The following COL25A1 variants were observed in gnomAD, a reference collection of about 807,000 sequenced individuals.
COL25A1 encodes collagen alpha-1(XXV) chain.
Under a neutral mutation model 128.4 loss-of-function variants are expected in COL25A1, and 103 were observed. The observed-to-expected ratio is 0.80, with a 90% CI of 0.68 to 0.94. The LOEUF (loss-of-function observed/expected upper bound fraction) is 0.94. COL25A1 is among the 40% of genes least tolerant of loss of function. The pLI, the probability that COL25A1 is intolerant of heterozygous loss-of-function variation, is 0.00. For synonymous variants in COL25A1, 279 were observed against 277.2 expected, an observed-to-expected ratio of 1.01 and a Z score of -0.06; for missense variants, 745 against 840.0, an observed-to-expected ratio of 0.89 and a Z score of 1.40.
chr4:109,202,219 TA>T (rs1036853767), intron 3 of COL25A1, among the ~76,000 whole-genome samples: 42 of 152,068 alleles, frequency 2.8e-4, no homozygotes, highest in African/African-American at 9.9e-4. Context: ...CAAAACTTAC[TA>T]TAAAGCCAGA....
chr4:109,080,290 TAG>T (rs1337900423), intron 3 of COL25A1, among the ~76,000 whole-genome samples: 1 of 152,220 alleles, frequency 6.6e-6, no homozygotes, highest in African/African-American at 2.4e-5. Flanking sequence ...AGTCTGGCTC[TAG>T]AGTCTTTGGT....
At chr4:108,897,635 C>G (rs1016498028) in intron 15 of COL25A1, among the ~76,000 whole-genome samples, 10 of 152,170 alleles carry the variant, frequency 6.6e-5, no homozygotes, top group Admixed American at 5.2e-4. Context: ...AGGGCAGTAT[C>G]TGGCACATCA....
chr4:109,067,258 T>G (rs1404393537), intron 3 of COL25A1, among the ~76,000 whole-genome samples: 1 of 152,066 alleles, frequency 6.6e-6, no homozygotes, highest in Non-Finnish European at 1.5e-5. Flanking sequence ...AATATCAACA[T>G]TAAGAAAAAA....
intron 2 of COL25A1, among the ~76,000 whole-genome samples, chr4:109,301,136 C>T (rs547225798): frequency 6.6e-6 from 1 of 152,158 alleles, no homozygotes; most frequent in South Asian, 2.1e-4. Context: ...ATAGATTCCT[C>T]TCAACTCTCA....
chr4:108,867,891 TA>T (rs1578595910), intron 20 of COL25A1, among the ~76,000 whole-genome samples: 1 of 152,214 alleles, frequency 6.6e-6, no homozygotes, highest in East Asian at 1.9e-4. Flanking sequence ...CATATATATA[TA>T]TTTTTTTGCA....
At chr4:109,253,929 T>C (rs1367574220) in intron 3 of COL25A1, among the ~76,000 whole-genome samples, 3 of 151,710 alleles carry the variant, frequency 2.0e-5, no homozygotes, top group Non-Finnish European at 2.9e-5. Flanking sequence ...CTACTAAAAA[T>C]ACAAAAAATT....
At chr4:109,008,963 A>C (rs781041077) in intron 6 of COL25A1, among the ~76,000 whole-genome samples, 2 of 152,110 alleles carry the variant, frequency 1.3e-5, no homozygotes, top group Non-Finnish European at 2.9e-5. Context: ...TCCACTAAAA[A>C]TACAAAAATT....
chr4:108,862,615 T>C (rs1737391041), intron 21 of COL25A1, 70 bp from the exon 22 acceptor site: 3 of 1,279,866 alleles, frequency 2.3e-6, no homozygotes, highest in Non-Finnish European at 3.4e-6. Flanking sequence ...AAATAGAAAT[T>C]AGCAGTGACT....
intron 3 of COL25A1, among the ~76,000 whole-genome samples, chr4:109,272,533 T>C (rs1401128243): frequency 6.6e-6 from 1 of 152,208 alleles, no homozygotes; most frequent in Admixed American, 6.5e-5. Flanking sequence ...TAATATGTGT[T>C]CACTGGTGTT....
At chr4:109,042,369 G>A (rs1232976296) in intron 5 of COL25A1, among the ~76,000 whole-genome samples, 1 of 152,046 alleles carries the variant, frequency 6.6e-6, no homozygotes, top group Non-Finnish European at 1.5e-5. Flanking sequence ...TCAGCGTGCA[G>A]GGGCTCAAAA....
At chr4:109,083,447 A>ATTTT (rs1560659110) in intron 3 of COL25A1, among the ~76,000 whole-genome samples, 6 of 124,372 alleles carry the variant, frequency 4.8e-5, no homozygotes, top group East Asian at 2.6e-4. Context: ...ACACTAAATA[A>ATTTT]ATTTTTTTTT....
chr4:109,014,318 G>T (rs1757002207), intron 5 of COL25A1, among the ~76,000 whole-genome samples: 2 of 144,602 alleles, frequency 1.4e-5, no homozygotes, highest in Non-Finnish European at 3.0e-5. Flanking sequence ...AAAAAAAAAA[G>T]TGTAAACATG....
At chr4:109,242,108 T>G (rs967940887) in intron 3 of COL25A1, among the ~76,000 whole-genome samples, 41 of 152,106 alleles carry the variant, frequency 2.7e-4, no homozygotes, top group Non-Finnish European at 5.2e-4. Context: ...GACATTAGTG[T>G]CCCGAGGCTT....
chr4:108,959,828 T>C (rs1328565669), intron 8 of COL25A1, among the ~76,000 whole-genome samples: 2 of 152,130 alleles, frequency 1.3e-5, no homozygotes, highest in Non-Finnish European at 2.9e-5. Context: ...CTTTTCTGCC[T>C]AAAAATGTAA....
chr4:108,908,370 T>C (rs1392003190), intron 13 of COL25A1, among the ~76,000 whole-genome samples: 1 of 152,102 alleles, frequency 6.6e-6, no homozygotes, highest in African/African-American at 2.4e-5. Context: ...CCCTCCCTCC[T>C]AGAACATCCT....
At chr4:109,051,227 C>G (rs1760951329) in intron 3 of COL25A1, among the ~76,000 whole-genome samples, 1 of 152,096 alleles carries the variant, frequency 6.6e-6, no homozygotes, top group Non-Finnish European at 1.5e-5. Flanking sequence ...CCTTAGTATC[C>G]AAGCGACTTT....
chr4:108,930,978 T>C (rs1471286364), intron 11 of COL25A1, among the ~76,000 whole-genome samples: 4 of 152,202 alleles, frequency 2.6e-5, no homozygotes, highest in Non-Finnish European at 5.9e-5. Flanking sequence ...ATATGAGAAT[T>C]TGATAAGACA....
intron 8 of COL25A1, among the ~76,000 whole-genome samples, chr4:108,961,139 A>C (rs1750630525): frequency 6.6e-6 from 1 of 152,218 alleles, no homozygotes; most frequent in Admixed American, 6.5e-5. Flanking sequence ...TCTTAACAGG[A>C]ATCAGAGTAT....
chr4:109,288,542 G>T (rs914850232), intron 3 of COL25A1, among the ~76,000 whole-genome samples: 2 of 151,980 alleles, frequency 1.3e-5, no homozygotes, highest in Admixed American at 1.3e-4. Context: ...TTAATAGGGT[G>T]GTTCCCTGGA....
Sources: gnomAD v4.1 joint callset for allele counts (sites outside exome capture counted in the v4.1 genomes callset) on GRCh38, gnomAD v4.1.1 for gene constraint, MANE v1.5 for transcripts, NCBI Gene and HGNC (gene_info 2026-07-23, HGNC 2026-07-21) for gene names.